Variants in ZNF521 observed in about 807,000 individuals in gnomAD.
The protein encoded by ZNF521 is zinc finger protein 521, also known as LYST-interacting protein 3.
In ZNF521, 14 loss-of-function variants were observed where a neutral mutation model predicts 105.5. The observed-to-expected ratio is 0.13, with a 90% CI of 0.09 to 0.21. The LOEUF (loss-of-function observed/expected upper bound fraction) is 0.21, where lower values mean the gene tolerates loss of function less well. Ranked by LOEUF, ZNF521 falls within the 10% of genes least tolerant of loss-of-function variation. ZNF521 has a pLI of 1.00. For missense variants in ZNF521, 1,233 were observed against 1,629.7 expected, an observed-to-expected ratio of 0.76 and a Z score of 4.19; for synonymous variants, 635 against 606.0, an observed-to-expected ratio of 1.05 and a Z score of -0.70.
At chr18:25,108,138 G>C (rs1439197179) in intron 5 of ZNF521, among the ~76,000 whole-genome samples, 1 of 152,124 alleles carries the variant, frequency 6.6e-6, no homozygotes, top group African/African-American at 2.4e-5. Context: ...AGTTTGTTTT[G>C]GCTTATGACT....
rs775441287 is a variant in ZNF521 at position 25,089,806 on chromosome 18, A to G, written c.3791-226T>C. Among the ~76,000 whole-genome samples, 23 of 152,164 alleles carry G rather than the reference A, an allele frequency of 1.5e-4. 1 individual carries two copies. The highest frequency in any genetic ancestry group is 4.6e-4 in the Admixed American group (7 of 15,278). ...AATTCAACCCAAACAGCTCCAAAGT[A>G]AAGGTTTATGGAGGCCCTGCTCCCT... On this transcript the variant is annotated intron_variant, in intron 6 of 7. Coordinates refer to ENST00000361524, the MANE Select transcript of ZNF521 (RefSeq NM_015461.3).
rs112735683 is a variant in ZNF521 at position 25,152,399 on chromosome 18, A to C, written c.3658+42761T>G. ...GAGGCTGATGTAGGAGAATCACTTG[A>C]ATCTAGGAGGCAGAGGTTGCAGCAA... On this transcript the variant is annotated intron_variant, in intron 5 of 7. Transcript: ENST00000361524. Among the ~76,000 whole-genome samples, 773 of 151,994 alleles carry C rather than the reference A, an allele frequency of 5.1e-3. 6 individuals are homozygous for C. Among genetic ancestry groups the C allele is most frequent in the African/African-American group, 0.018 (744 of 41,432 alleles).
At chr18:25,083,865 G>C (rs908607202) in intron 7 of ZNF521, among the ~76,000 whole-genome samples, 1 of 150,434 alleles carries the variant, frequency 6.6e-6, no homozygotes, top group Non-Finnish European at 1.5e-5. Context: ...AACCTCCCCA[G>C]GTTCAGGTGA....
chr18:25,297,000 T>C (rs182216226), intron 3 of ZNF521, among the ~76,000 whole-genome samples: 99 of 152,220 alleles, frequency 6.5e-4, no homozygotes, highest in African/African-American at 2.1e-3. Context: ...TTGTTAAGTG[T>C]GTATGTGTGG....
At chr18:25,186,951 A>G (rs2035735365) in intron 5 of ZNF521, among the ~76,000 whole-genome samples, 1 of 151,836 alleles carries the variant, frequency 6.6e-6, no homozygotes, top group African/African-American at 2.4e-5. Context: ...GAAAACATAA[A>G]GAGGAACAAA....
chr18:25,274,239 C>A (rs2144957446), intron 3 of ZNF521, among the ~76,000 whole-genome samples: 1 of 152,232 alleles, frequency 6.6e-6, no homozygotes. Flanking sequence ...AACCAGCATA[C>A]CCACAAGAAT....
At chr18:25,329,641 C>T (rs187887561) in intron 2 of ZNF521, among the ~76,000 whole-genome samples, 25 of 152,268 alleles carry the variant, frequency 1.6e-4, no homozygotes, top group Middle Eastern at 3.4e-3. Context: ...AGTAAGGCAG[C>T]GGCAGAGAGC....
At chr18:25,343,970 T>C (rs982674616) in intron 2 of ZNF521, among the ~76,000 whole-genome samples, 1 of 152,122 alleles carries the variant, frequency 6.6e-6, no homozygotes, top group Non-Finnish European at 1.5e-5. Flanking sequence ...ATAATAATGA[T>C]ACCCACAAGA....
intron 3 of ZNF521, among the ~76,000 whole-genome samples, chr18:25,290,699 C>T (rs1368080210): frequency 6.6e-6 from 1 of 151,040 alleles, no homozygotes; most frequent in Non-Finnish European, 1.5e-5. Context: ...CAACCTCCAC[C>T]TCCCGGGTTC....
chr18:25,168,956 T>G (rs887427961), intron 5 of ZNF521, among the ~76,000 whole-genome samples: 41 of 36,136 alleles, frequency 1.1e-3, no homozygotes, highest in Admixed American at 4.1e-3. Flanking sequence ...GTGTCTGGGG[T>G]GTGTGTGTGT....
At chr18:25,259,239 G>A (rs760885503) in intron 3 of ZNF521, among the ~76,000 whole-genome samples, 1 of 152,146 alleles carries the variant, frequency 6.6e-6, no homozygotes. Flanking sequence ...GTTACTCCTC[G>A]CCAGGAGTAG....
intron 3 of ZNF521, among the ~76,000 whole-genome samples, chr18:25,247,874 A>T (rs1289989968): frequency 6.6e-6 from 1 of 152,158 alleles, no homozygotes; most frequent in Non-Finnish European, 1.5e-5. Flanking sequence ...AGTGAAGGAA[A>T]TGCATTCATT....
chr18:25,198,193 T>C (rs1287854427), intron 4 of ZNF521, among the ~76,000 whole-genome samples: 2 of 151,882 alleles, frequency 1.3e-5, no homozygotes, highest in Non-Finnish European at 2.9e-5. Flanking sequence ...GATTGTTCTC[T>C]TTTGTTTTCT....
At chr18:25,264,617 G>A (rs1294217342) in intron 3 of ZNF521, among the ~76,000 whole-genome samples, 1 of 152,072 alleles carries the variant, frequency 6.6e-6, no homozygotes, top group East Asian at 1.9e-4. Flanking sequence ...ATTTTGTCAA[G>A]ATCTCATTCC....
intron 5 of ZNF521, among the ~76,000 whole-genome samples, chr18:25,093,960 C>A (rs2033801560): frequency 6.6e-6 from 1 of 152,154 alleles, no homozygotes; most frequent in Non-Finnish European, 1.5e-5. Flanking sequence ...AAAATACTTG[C>A]TAACTTTAAA....
intron 5 of ZNF521, among the ~76,000 whole-genome samples, chr18:25,158,267 A>C (rs1383068652): frequency 6.6e-6 from 1 of 152,114 alleles, no homozygotes. Context: ...ATATATATTT[A>C]AAGTATATAT....
At chr18:25,315,747 AG>A (rs1219645746) in intron 3 of ZNF521, 1 of 152,174 alleles carries the variant, frequency 6.6e-6, no homozygotes, top group South Asian at 2.1e-4. Flanking sequence ...CGGAGTGAAT[AG>A]GTTTTCATCA....
At chr18:25,069,748 A>AT (rs1392156820) in intron 7 of ZNF521, among the ~76,000 whole-genome samples, 5 of 152,142 alleles carry the variant, frequency 3.3e-5, no homozygotes, top group Non-Finnish European at 7.4e-5. Flanking sequence ...TGCATAGTGG[A>AT]TTTTTTTCAT....
At chr18:25,162,008 G>A (rs954866475) in intron 5 of ZNF521, among the ~76,000 whole-genome samples, 2 of 152,130 alleles carry the variant, frequency 1.3e-5, no homozygotes, top group Non-Finnish European at 2.9e-5. Context: ...TCAGGGGAGT[G>A]GAGTACAGGA....
Sources: allele counts gnomAD v4.1 joint callset (sites outside exome capture counted in the v4.1 genomes callset), GRCh38; gene constraint gnomAD v4.1.1; transcripts MANE v1.5; gene names NCBI Gene and HGNC (gene_info 2026-07-23, HGNC 2026-07-21).